The following IKZF3 variants were observed in gnomAD, a reference collection of about 807,000 sequenced individuals.
The protein encoded by IKZF3 is IKAROS family zinc finger 3, also known as zinc finger protein Aiolos.
A neutral mutation model predicts 49.0 loss-of-function variants in IKZF3; 10 were observed. That is an observed-to-expected ratio of 0.20 (90% CI 0.13 to 0.35). The LOEUF is 0.35. IKZF3 is among the 10% of genes least tolerant of loss of function. The pLI is 1.00. For synonymous variants in IKZF3, 209 were observed against 228.2 expected, an observed-to-expected ratio of 0.92 and a Z score of 0.76; for missense variants, 498 against 664.8, an observed-to-expected ratio of 0.75 and a Z score of 2.76.
intron 1 of IKZF3, among the ~76,000 whole-genome samples, chr17:39,845,780 G>A (rs1030573658): frequency 1.3e-5 from 2 of 152,080 alleles, no homozygotes; most frequent in South Asian, 2.1e-4. Context: ...AGAAAGTTGC[G>A]GTTTTCACTG....
chr17:39,837,934 G>A (rs992954187), intron 1 of IKZF3, among the ~76,000 whole-genome samples: 11 of 152,070 alleles, frequency 7.2e-5, no homozygotes, highest in African/African-American at 2.4e-4. Flanking sequence ...GAGCCACCAC[G>A]CCTGGCCTGT....
intron 6 of IKZF3, chr17:39,778,093 C>G: frequency 9.8e-7 from 1 of 1,015,446 alleles, no homozygotes; most frequent in Non-Finnish European, 1.2e-6. Context: ...ATCTAACCCC[C>G]GATCAGCCTT....
intron 3 of IKZF3, among the ~76,000 whole-genome samples, chr17:39,822,404 T>C (rs996274043): frequency 2.6e-5 from 4 of 152,118 alleles, no homozygotes; most frequent in Non-Finnish European, 4.4e-5. Context: ...CAAGATCTGA[T>C]GGTTTAATGA....
rs140943586 is a variant in IKZF3, at chr17:39,863,420, C to G, written c.7+700G>C. On this transcript the variant is annotated intron_variant, in intron 1 of 7. Coordinates refer to ENST00000346872, the MANE Select transcript of IKZF3 (RefSeq NM_012481.5). ...GAATTTCTTAATCCCACCATCCCCC[C>G]CCGAGTTGAGATGCATTTGCCATTT... Among the ~76,000 whole-genome samples, 3 of 152,162 alleles carry G rather than the reference C, an allele frequency of 2.0e-5. No individual in the cohort carries two copies. The East Asian group carries it at 5.8e-4, about 29-fold the overall frequency.
At chr17:39,840,462 G>A (rs1452885868) in intron 1 of IKZF3, among the ~76,000 whole-genome samples, 7 of 152,032 alleles carry the variant, frequency 4.6e-5, no homozygotes, top group African/African-American at 2.4e-5. Context: ...ATTCTTATCC[G>A]TGGAAAGGTT....
chr17:39,813,027 G>A (rs547769130), intron 3 of IKZF3, among the ~76,000 whole-genome samples: 1 of 152,136 alleles, frequency 6.6e-6, no homozygotes, highest in East Asian at 1.9e-4. Context: ...GCGTGAACCC[G>A]GGAGGTGGAG....
At chr17:39,778,164 TG>T in intron 6 of IKZF3, 1 of 988,250 alleles carries the variant, frequency 1.0e-6, no homozygotes, top group Non-Finnish European at 1.2e-6. Context: ...TTAACAACTT[TG>T]AAAAAAAAGC....
At chr17:39,788,063 T>A (rs1429001534) in intron 6 of IKZF3, among the ~76,000 whole-genome samples, 195 bp downstream of exon 6, 1 of 152,218 alleles carries the variant, frequency 6.6e-6, no homozygotes, top group Non-Finnish European at 1.5e-5. Context: ...TCACCCTCAC[T>A]CCTCAGCAAC....
chr17:39,864,230 C>T lies in IKZF3; in HGVS notation c.-104G>A, dbSNP rs540863627. 2.9e-6 allele frequency: 4 copies of T among 1,356,448 alleles called. No individual in the cohort carries two copies. Among genetic ancestry groups the T allele is most frequent in the Middle Eastern group, 2.5e-4 (1 of 4,064 alleles). The allele number at this position is 1,356,448 out of a possible 1,614,324, so 84.0% of individuals were successfully genotyped here. ...CGCGCAGCTGGCGGGAGATTCCCGG[C>T]GCGGGGAGTCCCCGGGATCCGGCAG... is the stretch of plus-strand genomic sequence containing the variant. On this transcript the variant is annotated 5_prime_UTR_variant, in exon 1 of 8. Transcript: ENST00000346872.
rs1244164226 is a variant in IKZF3 at position 39,785,135 on chromosome 17, A to G, written c.709+3123T>C. 2.6e-5 allele frequency among the ~76,000 whole-genome samples: 4 copies of G among 152,230 alleles called. No individual in the cohort carries two copies. In the South Asian group the frequency reaches 8.3e-4, roughly 31 times the overall value. On this transcript the variant is annotated intron_variant, in intron 6 of 7. Transcript: ENST00000346872. Reference sequence around the variant, plus strand: ...AATGGACTCCCAATTCTAAGAAGGAAACAGAAATGGAAACCACACATGGAA... The same window carrying G: ...AATGGACTCCCAATTCTAAGAAGGAGACAGAAATGGAAACCACACATGGAA...
chr17:39,848,785 T>C (rs946762326), intron 1 of IKZF3, among the ~76,000 whole-genome samples: 1 of 152,154 alleles, frequency 6.6e-6, no homozygotes, highest in Non-Finnish European at 1.5e-5. Context: ...GCTTAAGCAA[T>C]CTGCCCACCT....
At chr17:39,823,288 A>G (rs12950662) in intron 3 of IKZF3, among the ~76,000 whole-genome samples, 4,598 of 152,234 alleles carry the variant, frequency 0.03, 238 homozygotes, top group African/African-American at 0.11. Context: ...CCCCTGCCCT[A>G]GAGATCTATG....
At chr17:39,820,346 C>T (rs9904277) in intron 3 of IKZF3, among the ~76,000 whole-genome samples, 8,663 of 152,058 alleles carry the variant, frequency 0.057, 368 homozygotes, top group African/African-American at 0.12. Flanking sequence ...ACATAAATAT[C>T]ACTATAAAAT....
rs764143001 is a variant in IKZF3, at chr17:39,765,798, G to C, written c.1522C>G (p.Leu508Val). ...HIARGEHRAL[L>V]K is the part of the protein sequence containing the mutation. ...TCCCTGAGACCAGATATTCACTTCA[G>C]CAGGGCTCTGTGTTCTCCTCTGGCT... Residue 508 changes from leucine to valine, a missense_variant, in exon 8 of 8, where the codon CTG (leucine) becomes GTG (valine). By Grantham distance (32) the Leu-to-Val change is conservative. Transcript: ENST00000346872. 1 of 1,598,212 alleles carries C rather than the reference G, an allele frequency of 6.3e-7. No individual in the cohort carries two copies.
At chr17:39,825,020 T>C (rs2061920756) in intron 3 of IKZF3, among the ~76,000 whole-genome samples, 1 of 152,202 alleles carries the variant, frequency 6.6e-6, no homozygotes, top group South Asian at 2.1e-4. Context: ...CATAAGTGTC[T>C]GGCATTTCCC....
At position 39,758,961 on chromosome 17, in the gene IKZF3, C is replaced by G. The variant is rs531993217; in HGVS notation, c.*6829G>C. 19 of 151,082 alleles carry G rather than the reference C, an allele frequency of 1.3e-4. No homozygotes were observed. The highest frequency in any genetic ancestry group is 2.2e-4 in the Non-Finnish European group (15 of 67,854). 9.4% of individuals were successfully genotyped at this position (151,082 alleles called of 1,614,324 possible). A position where few individuals can be genotyped will look rare whatever the true frequency, so the allele number is the denominator to read the frequency against. On this transcript the variant is annotated 3_prime_UTR_variant, in exon 8 of 8. Coordinates refer to ENST00000346872, the MANE Select transcript of IKZF3 (RefSeq NM_012481.5). ...AATGCACACCACCCCTCAAAGGTAA[C>G]ATTAGCTCATATACAAAATCATGGA... is the stretch of plus-strand genomic sequence containing the variant.
At chr17:39,842,060 C>CAAAAAAAAAAAA (rs1491414621) in intron 1 of IKZF3, among the ~76,000 whole-genome samples, 3 of 20,316 alleles carry the variant, frequency 1.5e-4, no homozygotes, top group African/African-American at 2.0e-4. Context: ...AAAAAAAAAA[C>CAAAAAAAAAAAA]CAGATAAAAT....
At chr17:39,799,386 G>A (rs2061260236) in intron 3 of IKZF3, among the ~76,000 whole-genome samples, 1 of 152,152 alleles carries the variant, frequency 6.6e-6, no homozygotes, top group African/African-American at 2.4e-5. Flanking sequence ...AACTTTCAAT[G>A]ATTTCATTTG....
At chr17:39,825,973 T>G (rs1469441073) in intron 3 of IKZF3, among the ~76,000 whole-genome samples, 1 of 152,188 alleles carries the variant, frequency 6.6e-6, no homozygotes, top group African/African-American at 2.4e-5. Context: ...GCTGCTGGAT[T>G]CTATCATCAC....
Sources: gnomAD v4.1 joint callset for allele counts (sites outside exome capture counted in the v4.1 genomes callset) on GRCh38, gnomAD v4.1.1 for gene constraint, MANE v1.5 for transcripts, NCBI Gene and HGNC (gene_info 2026-07-23, HGNC 2026-07-21) for gene names.